The following FSTL5 variants were observed in gnomAD, a reference collection of about 807,000 sequenced individuals.
The protein encoded by FSTL5 is follistatin like 5, also known as follistatin-related protein 5.
A neutral mutation model predicts 89.1 loss-of-function variants in FSTL5; 62 were observed. The ratio of observed to expected loss-of-function variants is 0.70; its 90% CI spans 0.57 to 0.86. The LOEUF is 0.86. Among genes scored for constraint, FSTL5 ranks in the 40% least tolerant of loss-of-function variants. FSTL5 has a pLI of 0.00. For synonymous variants in FSTL5, 383 were observed against 346.2 expected, an observed-to-expected ratio of 1.11 and a Z score of -1.18; for missense variants, 1,057 against 1,001.6, an observed-to-expected ratio of 1.06 and a Z score of -0.75.
At chr4:161,979,926 T>C (rs919588624) in intron 3 of FSTL5, among the ~76,000 whole-genome samples, 2 of 152,052 alleles carry the variant, frequency 1.3e-5, no homozygotes, top group African/African-American at 2.4e-5. Context: ...GGAATGTATA[T>C]AATGATTTAA....
chr4:161,604,969 G>T (rs1734385707), intron 7 of FSTL5, among the ~76,000 whole-genome samples: 1 of 152,124 alleles, frequency 6.6e-6, no homozygotes, highest in African/African-American at 2.4e-5. Flanking sequence ...TTATTTCAAG[G>T]TGATTTAGAG....
intron 8 of FSTL5, among the ~76,000 whole-genome samples, chr4:161,578,025 A>T (rs1368909063): frequency 6.6e-6 from 1 of 152,158 alleles, no homozygotes; most frequent in Non-Finnish European, 1.5e-5. Flanking sequence ...ATGCCTAAAC[A>T]AAACTCAATG....
intron 15 of FSTL5, among the ~76,000 whole-genome samples, chr4:161,420,456 G>A (rs1310260191): frequency 3.9e-5 from 6 of 151,960 alleles, no homozygotes; most frequent in Non-Finnish European, 7.4e-5. Context: ...TTAAAGAGAG[G>A]GTTGTTTTCT....
chr4:161,866,754 T>C (rs1369429993), intron 4 of FSTL5, among the ~76,000 whole-genome samples: 2 of 152,032 alleles, frequency 1.3e-5, no homozygotes, highest in East Asian at 3.8e-4. Context: ...TTTTTCTGCA[T>C]ATTAAATGTT....
At chr4:161,757,495 GA>G (rs1397502253) in intron 6 of FSTL5, among the ~76,000 whole-genome samples, 1 of 152,030 alleles carries the variant, frequency 6.6e-6, no homozygotes, top group Non-Finnish European at 1.5e-5. Flanking sequence ...GAAGCATAGG[GA>G]AAAACACATA....
intron 1 of FSTL5, among the ~76,000 whole-genome samples, chr4:162,120,512 T>C (rs1731810424): frequency 6.6e-6 from 1 of 152,058 alleles, no homozygotes; most frequent in Admixed American, 6.5e-5. Flanking sequence ...AGAGACTTAG[T>C]CCAACCCCTT....
rs538900864 is a variant in FSTL5 at position 161,693,739 on chromosome 4, C to T, written c.728-37245G>A. On this transcript the variant is annotated intron_variant, in intron 6 of 15. Coordinates refer to ENST00000306100, the MANE Select transcript of FSTL5 (RefSeq NM_020116.5). ...CTGCAAGCTCTGCATCCCGGGTTCA[C>T]GCCATTCTCCTGCCTCAGCCTCCCG... Among the ~76,000 whole-genome samples, 21 of 148,614 alleles carry T rather than the reference C, an allele frequency of 1.4e-4. 1 individual carries two copies. The East Asian group carries it at 2.0e-3, about 14-fold the overall frequency.
intron 5 of FSTL5, among the ~76,000 whole-genome samples, chr4:161,763,194 C>A (rs544758045): frequency 6.6e-6 from 1 of 152,288 alleles, no homozygotes; most frequent in East Asian, 1.9e-4. Flanking sequence ...GTCCAAAACT[C>A]TGAAAACACA....
intron 4 of FSTL5, among the ~76,000 whole-genome samples, chr4:161,820,816 TGA>T (rs1323148235): frequency 1.3e-5 from 2 of 152,130 alleles, no homozygotes; most frequent in African/African-American, 2.4e-5. Flanking sequence ...GGTTTTCATA[TGA>T]GCATTAAAAA....
chr4:161,725,761 C>CTA (rs1361055690), intron 6 of FSTL5, among the ~76,000 whole-genome samples: 1 of 152,136 alleles, frequency 6.6e-6, no homozygotes, highest in Non-Finnish European at 1.5e-5. Flanking sequence ...GCTGAGTGCA[C>CTA]TAGGCAATGG....
At chr4:161,698,908 C>T (rs1045471992) in intron 6 of FSTL5, among the ~76,000 whole-genome samples, 13 of 152,066 alleles carry the variant, frequency 8.5e-5, no homozygotes, top group Admixed American at 4.6e-4. Flanking sequence ...CGAGATCATG[C>T]CACTGCACTC....
chr4:161,423,555 C>T (rs1732062178), intron 15 of FSTL5, among the ~76,000 whole-genome samples: 1 of 151,814 alleles, frequency 6.6e-6, no homozygotes, highest in African/African-American at 2.4e-5. Flanking sequence ...CATGATAGCT[C>T]ACTATTTTTC....
intron 15 of FSTL5, among the ~76,000 whole-genome samples, chr4:161,405,805 A>G (rs78319591): frequency 0.015 from 2,279 of 152,270 alleles, 51 homozygotes; most frequent in African/African-American, 0.051. Context: ...GAAGCGACTC[A>G]TCATGAACAA....
intron 7 of FSTL5, among the ~76,000 whole-genome samples, chr4:161,601,687 A>G (rs1734242757): frequency 6.6e-6 from 1 of 152,164 alleles, no homozygotes; most frequent in Admixed American, 6.6e-5. Flanking sequence ...CTTAAAACTG[A>G]GGATGGACCA....
intron 2 of FSTL5, among the ~76,000 whole-genome samples, chr4:162,103,648 G>T: frequency 6.6e-6 from 1 of 152,162 alleles, no homozygotes; most frequent in East Asian, 1.9e-4. Context: ...AGCCTTGTAA[G>T]ATGGAAATTG....
intron 1 of FSTL5, among the ~76,000 whole-genome samples, chr4:162,156,867 C>T (rs1438237719): frequency 6.6e-6 from 1 of 152,076 alleles, no homozygotes; most frequent in Non-Finnish European, 1.5e-5. Flanking sequence ...AGGTAACAAG[C>T]ATGCACATAT....
chr4:162,141,070 G>C (rs1266977543), intron 1 of FSTL5, among the ~76,000 whole-genome samples: 1 of 146,036 alleles, frequency 6.8e-6, no homozygotes, highest in African/African-American at 2.5e-5. Flanking sequence ...CTCAAGAGTT[G>C]GTTGCTTAAG....
intron 13 of FSTL5, among the ~76,000 whole-genome samples, chr4:161,465,382 A>T (rs1234688536): frequency 6.6e-6 from 1 of 152,170 alleles, no homozygotes; most frequent in Non-Finnish European, 1.5e-5. Context: ...TATAATTACA[A>T]AAAAGCATTA....
intron 15 of FSTL5, among the ~76,000 whole-genome samples, chr4:161,394,494 C>T (rs1022767009): frequency 1.3e-5 from 2 of 152,248 alleles, no homozygotes; most frequent in East Asian, 3.9e-4. Flanking sequence ...CCAGGATGGT[C>T]TAGATCCCCT....
Sources: gnomAD v4.1 joint callset for allele counts (sites outside exome capture counted in the v4.1 genomes callset) on GRCh38, gnomAD v4.1.1 for gene constraint, MANE v1.5 for transcripts, NCBI Gene and HGNC (gene_info 2026-07-23, HGNC 2026-07-21) for gene names.